Variants in SHOC2 observed in about 807,000 individuals in gnomAD.
The protein encoded by SHOC2 is SHOC2 leucine rich repeat scaffold protein.
In SHOC2, 4 loss-of-function variants were observed where a neutral mutation model predicts 50.2. The ratio of observed to expected loss-of-function variants is 0.08; its 90% confidence interval spans 0.04 to 0.18. SHOC2 has a LOEUF of 0.18. SHOC2 is among the 10% of genes least tolerant of loss of function. SHOC2 has a pLI of 1.00. For missense variants in SHOC2, 388 were observed against 669.6 expected, an observed-to-expected ratio of 0.58 and a Z score of 4.64; for synonymous variants, 218 against 244.5, an observed-to-expected ratio of 0.89 and a Z score of 1.01.
At chr10:111,001,003 T>C (rs1484812923) in intron 4 of SHOC2, among the ~76,000 whole-genome samples, 1 of 151,788 alleles carries the variant, frequency 6.6e-6, no homozygotes, top group African/African-American at 2.4e-5. Flanking sequence ...ACTCAAATTA[T>C]TACCTTGTTT....
rs768697153 is a variant in SHOC2 at position 110,985,604 on chromosome 10, AT to A, written c.704-19del. 1.3e-5 allele frequency: 20 copies of A among 1,583,266 alleles called. No homozygotes were observed. The East Asian group carries it at 4.0e-4, about 32-fold the overall frequency. On this transcript the variant is annotated intron_variant, in intron 2 of 8. Coordinates refer to ENST00000369452, the MANE Select transcript of SHOC2 (RefSeq NM_007373.4). The stretch of plus-strand genomic sequence containing the variant: ...TATGTTCTTTAATAATGCTTATTGA[AT>A]TTTTATGTTGGTCAATTTACAGGTG...
chr10:110,921,368 G>T (rs1846646722), intron 1 of SHOC2, among the ~76,000 whole-genome samples: 1 of 152,032 alleles, frequency 6.6e-6, no homozygotes, highest in South Asian at 2.1e-4. Flanking sequence ...TTGAAAAATA[G>T]ACAAAAATAA....
chr10:110,933,736 TG>T (rs1846940558), intron 1 of SHOC2, among the ~76,000 whole-genome samples: 1 of 152,214 alleles, frequency 6.6e-6, no homozygotes, highest in African/African-American at 2.4e-5. Flanking sequence ...AGTTCAAGGC[TG>T]CAGTGCACAC....
In SHOC2 at chr10:110,936,095, ATTTT is replaced by A. The variant is rs11422342; in HGVS notation, c.-235+16453_-235+16456del. Among the ~76,000 whole-genome samples the A allele has an allele frequency of 3.5e-3, 451 of 129,874 alleles. 22 individuals are homozygous for A. The South Asian group carries it at 0.1, about 29-fold the overall frequency. 85.2% of individuals were successfully genotyped at this position (129,874 alleles called of 152,430 possible). ...GAGTACTCTAGATATTGCTTCACTG[ATTTT>A]TTTTTTTTTTTTTTGAGTCGGAGTT... On this transcript the variant is annotated intron_variant, in intron 1 of 8. Transcript: ENST00000369452.
Position 110,981,234 on chromosome 10 carries a change from G to A in SHOC2, c.704-4394G>A, listed in dbSNP as rs78711254. On this transcript the variant is annotated intron_variant, in intron 2 of 8. Coordinates refer to ENST00000369452, the MANE Select transcript of SHOC2 (RefSeq NM_007373.4). Reference sequence around the variant, plus strand: ...TCAAATCACATTATAGTCTTTTTACGAATTGTAAGTTTCATGAATACAAAC... The same window carrying A: ...TCAAATCACATTATAGTCTTTTTACAAATTGTAAGTTTCATGAATACAAAC... Among the ~76,000 whole-genome samples the A allele has an allele frequency of 2.5e-3, 377 of 152,286 alleles. 1 individual carries two copies. Among genetic ancestry groups the A allele is most frequent in the Non-Finnish European group, 4.2e-3 (285 of 68,020 alleles).
chr10:110,976,079 T>G (rs1847873871), intron 2 of SHOC2, among the ~76,000 whole-genome samples: 1 of 152,000 alleles, frequency 6.6e-6, no homozygotes, highest in Non-Finnish European at 1.5e-5. Flanking sequence ...CCCGGCTAAT[T>G]TTTGTATTTT....
At chr10:110,963,421 G>A (rs748247837) in intron 1 of SHOC2, among the ~76,000 whole-genome samples, 3 of 152,122 alleles carry the variant, frequency 2.0e-5, no homozygotes, top group Non-Finnish European at 2.9e-5. Context: ...TCAGAATCAT[G>A]TAGAGTGCTT....
chr10:111,011,931 G>A lies in SHOC2; in HGVS notation c.*113G>A, dbSNP rs900213298. 1.1e-6 allele frequency: 1 copy of A among 884,728 alleles called. No homozygotes were observed. The highest frequency in any genetic ancestry group is 1.5e-5 in the South Asian group (1 of 68,382). The allele number at this position is 884,728 out of a possible 1,614,324, so 54.8% of individuals were successfully genotyped here. On this transcript the variant is annotated 3_prime_UTR_variant, in exon 9 of 9. Coordinates refer to ENST00000369452, the MANE Select transcript of SHOC2 (RefSeq NM_007373.4). ...GGTATATGGCAGATTTATAAAAATT[G>A]CATTATGTGTTTCTGCTAATAGAGG...
At chr10:110,974,449 A>C (rs1847839155) in intron 2 of SHOC2, among the ~76,000 whole-genome samples, 1 of 152,130 alleles carries the variant, frequency 6.6e-6, no homozygotes, top group East Asian at 1.9e-4. Context: ...AATGTTTTAC[A>C]TTCAACAGTG....
At chr10:110,925,218 C>T (rs1304288822) in intron 1 of SHOC2, among the ~76,000 whole-genome samples, 1 of 148,768 alleles carries the variant, frequency 6.7e-6, no homozygotes, top group Non-Finnish European at 1.5e-5. Context: ...TTAAAATGTA[C>T]TCTTTTTTGA....
chr10:110,951,014 A>T (rs952408923), intron 1 of SHOC2, among the ~76,000 whole-genome samples: 1 of 152,216 alleles, frequency 6.6e-6, no homozygotes, highest in Admixed American at 6.5e-5. Flanking sequence ...AAGCATAAGG[A>T]ATAAAAGCGA....
chr10:110,945,502 T>A (rs957618558), intron 1 of SHOC2, among the ~76,000 whole-genome samples: 5 of 152,238 alleles, frequency 3.3e-5, no homozygotes, highest in African/African-American at 1.2e-4. Context: ...GGATGCAAGC[T>A]TTTTATTAAT....
chr10:110,951,082 T>C (rs913331983), intron 1 of SHOC2, among the ~76,000 whole-genome samples: 3 of 152,118 alleles, frequency 2.0e-5, no homozygotes, highest in African/African-American at 7.2e-5. Context: ...AAGGAAATGA[T>C]CAACAGAGTG....
At chr10:110,975,778 T>C (rs1410854651) in intron 2 of SHOC2, among the ~76,000 whole-genome samples, 1 of 152,224 alleles carries the variant, frequency 6.6e-6, no homozygotes, top group Admixed American at 6.5e-5. Flanking sequence ...GCTTCTGCTG[T>C]GCTTCTCCAC....
At position 110,952,794 on chromosome 10, in the gene SHOC2, T is replaced by C. The variant is rs181369540; in HGVS notation, c.-234-11331T>C. Among the ~76,000 whole-genome samples, 49 of 152,314 alleles carry C rather than the reference T, an allele frequency of 3.2e-4. No individual in the cohort carries two copies. In the East Asian group the frequency reaches 6.8e-3, roughly 21 times the overall value. On this transcript the variant is annotated intron_variant, in intron 1 of 8. Coordinates refer to ENST00000369452, the MANE Select transcript of SHOC2 (RefSeq NM_007373.4). Reference sequence around the variant, plus strand: ...GTTCTCATTGTTCAATTCCCACTTATGAGTGAGAACATGCAATGTTTGGTT... The same window carrying C: ...GTTCTCATTGTTCAATTCCCACTTACGAGTGAGAACATGCAATGTTTGGTT...
chr10:110,925,092 ATTAAAAT>A (rs1192440174), intron 1 of SHOC2, among the ~76,000 whole-genome samples: 7 of 120,968 alleles, frequency 5.8e-5, no homozygotes, highest in Non-Finnish European at 1.3e-4. Flanking sequence ...AAAAAAAAAA[ATTAAAAT>A]AAAAAGCAAT....
At chr10:110,983,458 A>G (rs752760968) in intron 2 of SHOC2, among the ~76,000 whole-genome samples, 1 of 152,158 alleles carries the variant, frequency 6.6e-6, no homozygotes. Flanking sequence ...TTAGTGCTAT[A>G]AACTTCCCTC....
At chr10:110,934,026 C>T (rs1312476000) in intron 1 of SHOC2, among the ~76,000 whole-genome samples, 1 of 152,178 alleles carries the variant, frequency 6.6e-6, no homozygotes, top group Non-Finnish European at 1.5e-5. Flanking sequence ...GATCTGCACA[C>T]TCTTACTAAT....
At position 110,964,971 on chromosome 10, in the gene SHOC2, A is replaced by G. The variant is rs768411950; in HGVS notation, c.613A>G (p.Thr205Ala). 1.9e-5 allele frequency: 31 copies of G among 1,613,690 alleles called. No homozygotes were observed. The South Asian group carries it at 3.3e-4, about 17-fold the overall frequency. ...TCTTTACCTTCGCTTTAATCGTATA[A>G]CTACTGTGGAAAAGGACATCAAAAA... ...TTLYLRFNRI[T>A]TVEKDIKNLS... The change falls in exon 2 of 9, where the codon ACT (threonine) becomes GCT (alanine). Residue 205 changes from threonine to alanine, a missense_variant. Around this residue, in one of 5 missense-constraint regions of SHOC2, gnomAD observed 88 missense variants for 147.2 expected, o/e 0.60. Transcript: ENST00000369452. The surrounding 1 kb of genome is among the most constrained non-coding windows in gnomAD (Gnocchi z 4.9).
Sources: gnomAD v4.1 joint callset for allele counts (sites outside exome capture counted in the v4.1 genomes callset) on GRCh38, gnomAD v4.1.1 for gene constraint, gnomAD v4.1.1 regional missense constraint, Gnocchi (gnomAD v3.1) non-coding constraint, MANE v1.5 for transcripts, NCBI Gene and HGNC (gene_info 2026-07-23, HGNC 2026-07-21) for gene names.